The following HNF4A variants were observed in gnomAD, a reference collection of about 807,000 sequenced individuals.
HNF4A encodes the protein hepatocyte nuclear factor 4 alpha.
In HNF4A, 15 loss-of-function variants were observed where a neutral mutation model predicts 52.4. That is an observed-to-expected ratio of 0.29 (90% CI 0.19 to 0.44). The LOEUF is 0.44. Ranked by LOEUF, HNF4A falls within the 20% of genes least tolerant of loss-of-function variation. The pLI, the probability that HNF4A is intolerant of heterozygous loss-of-function variation, is 1.00. For synonymous variants in HNF4A, 280 were observed against 264.4 expected (o/e 1.06, Z -0.57); for missense variants, 479 against 647.2 (o/e 0.74, Z 2.82).
At chr20:44,374,276 C>T (rs559947292) in intron 1 of HNF4A, among the ~76,000 whole-genome samples, 1 of 152,286 alleles carries the variant, frequency 6.6e-6, no homozygotes, top group South Asian at 2.1e-4. Flanking sequence ...ATGAGGTCCT[C>T]CAGCTCCATT....
At chr20:44,402,159 G>A (rs577266679) in intron 1 of HNF4A, among the ~76,000 whole-genome samples, 10 of 152,106 alleles carry the variant, frequency 6.6e-5, no homozygotes, top group Non-Finnish European at 1.2e-4. Flanking sequence ...GTGAGTTCTG[G>A]GTCTATTTTC....
Position 44,414,513 on chromosome 20 carries a change from T to C in HNF4A, c.499T>C (p.Ser167Pro). The change falls in exon 5 of 10, where the codon TCC becomes CCC. Residue 167 changes from serine to proline, a missense_variant. Physicochemically the swap from Ser to Pro is moderately conservative, Grantham distance 74. Coordinates refer to ENST00000316099, the MANE Select transcript of HNF4A (RefSeq NM_000457.6). Reference sequence around the variant, plus strand: ...TTCCCTGTATCTCTCGAAGATCACCTCCCCCGTCTCCGGGATCAACGGCGA... The same window carrying C: ...TTCCCTGTATCTCTCGAAGATCACCCCCCCCGTCTCCGGGATCAACGGCGA... 3.1e-6 allele frequency: 5 copies of C among 1,614,142 alleles called. No homozygotes were observed. The highest frequency in any genetic ancestry group is 4.2e-6 in the Non-Finnish European group (5 of 1,180,012).
intron 2 of HNF4A, among the ~76,000 whole-genome samples, 187 bp from the exon 3 acceptor site, chr20:44,407,194 G>T (rs553155631): frequency 6.6e-6 from 1 of 152,272 alleles, no homozygotes; most frequent in South Asian, 2.1e-4. Context: ...TGTTTAGCAG[G>T]ACAGGACTGG....
intron 1 of HNF4A, among the ~76,000 whole-genome samples, chr20:44,370,316 A>C (rs1039687951): frequency 3.3e-5 from 5 of 152,244 alleles, no homozygotes; most frequent in East Asian, 1.9e-4. Context: ...CGTGAGCCAC[A>C]ACGCCCAGCC....
intron 7 of HNF4A, among the ~76,000 whole-genome samples, chr20:44,423,224 G>C (rs1168768597): frequency 6.6e-6 from 1 of 152,142 alleles, no homozygotes; most frequent in East Asian, 1.9e-4. Flanking sequence ...GCTGAGGCAG[G>C]AGAATCGCTT....
rs562455396 is a variant in HNF4A, at chr20:44,432,436, G to A, written c.*2771G>A. The A allele has an allele frequency of 5.4e-5, 7 of 130,556 alleles. No homozygotes were observed. The highest frequency in any genetic ancestry group is 4.8e-4 in the Admixed American group (5 of 10,316). The allele number at this position is 130,556 out of a possible 1,614,324, so 8.1% of individuals were successfully genotyped here. A position where few individuals can be genotyped will look rare whatever the true frequency, so the allele number is the denominator to read the frequency against. ...AAACAGAGGGTTGCTGGGGGGACAA[G>A]CGTGGGCACAATTTCCCCACCAAGA... On this transcript the variant is annotated 3_prime_UTR_variant, in exon 10 of 10. Transcript: ENST00000316099.
At chr20:44,405,278 A>T (rs1352336472) in intron 1 of HNF4A, among the ~76,000 whole-genome samples, 2 of 152,038 alleles carry the variant, frequency 1.3e-5, no homozygotes, top group African/African-American at 2.4e-5. Context: ...CAAATTTTTT[A>T]AATTTTTTAA....
At chr20:44,359,320 C>A (rs2062892718) in intron 1 of HNF4A, among the ~76,000 whole-genome samples, 1 of 152,224 alleles carries the variant, frequency 6.6e-6, no homozygotes, top group African/African-American at 2.4e-5. Flanking sequence ...GCTGTCCCAG[C>A]TTCAGCTGTC....
intron 1 of HNF4A, among the ~76,000 whole-genome samples, chr20:44,378,638 C>T (rs1218831658): frequency 6.6e-6 from 1 of 152,100 alleles, no homozygotes; most frequent in Non-Finnish European, 1.5e-5. Context: ...CAGCACCATC[C>T]ATCACCTGAA....
chr20:44,410,550 C>T (rs1006572624), intron 3 of HNF4A, among the ~76,000 whole-genome samples: 14 of 151,930 alleles, frequency 9.2e-5, no homozygotes, highest in African/African-American at 3.4e-4. Context: ...GTGGAAGTCT[C>T]ACTGGCCAGG....
At chr20:44,364,172 C>T (rs987210348) in intron 1 of HNF4A, among the ~76,000 whole-genome samples, 1 of 152,126 alleles carries the variant, frequency 6.6e-6, no homozygotes, top group Non-Finnish European at 1.5e-5. Flanking sequence ...ACCTCTGGCT[C>T]CATCAGAGAC....
upstream of HNF4A, among the ~76,000 whole-genome samples, chr20:44,397,765 G>T (rs1398855717): frequency 6.6e-6 from 1 of 152,022 alleles, no homozygotes; most frequent in African/African-American, 2.4e-5. Flanking sequence ...GACTGCAGGG[G>T]CATGCCACCA....
Position 44,408,739 on chromosome 20 carries a change from AG to A in HNF4A, c.385+1265del, listed in dbSNP as rs1886012502. ...GAGACTCTCTCAAAAAAAATAAAAAAGTAACGAGTTCATTTTCGAATCTCTT... is the reference window on the plus strand; with the variant it reads ...GAGACTCTCTCAAAAAAAATAAAAAATAACGAGTTCATTTTCGAATCTCTT... On this transcript the variant is annotated intron_variant, in intron 3 of 9. Coordinates refer to ENST00000316099, the MANE Select transcript of HNF4A (RefSeq NM_000457.6). Among the ~76,000 whole-genome samples, 4 of 152,128 alleles carry A rather than the reference AG, an allele frequency of 2.6e-5. No homozygotes were observed. In the South Asian group the frequency reaches 8.3e-4, roughly 32 times the overall value.
intron 1 of HNF4A, among the ~76,000 whole-genome samples, chr20:44,356,094 A>G (rs1431179875): frequency 6.6e-6 from 1 of 150,474 alleles, no homozygotes; most frequent in Non-Finnish European, 1.5e-5. Flanking sequence ...GGCTTGGCTC[A>G]TTTTGTCTGT....
intron 1 of HNF4A, chr20:44,384,749 G>C (rs2063198596): frequency 6.6e-6 from 1 of 152,180 alleles, no homozygotes; most frequent in Non-Finnish European, 1.5e-5. Flanking sequence ...CCGGAAAGGA[G>C]AGAAATAGAA....
intron 8 of HNF4A, 54 bp from the exon 9 acceptor site, chr20:44,428,281 G>A (rs1025426161): frequency 6.3e-7 from 1 of 1,599,240 alleles, no homozygotes; most frequent in Non-Finnish European, 8.6e-7. Context: ...GCGTCCCAAG[G>A]CCTGAGGTCT....
chr20:44,416,202 C>T (rs935178154), intron 5 of HNF4A, among the ~76,000 whole-genome samples: 7 of 152,192 alleles, frequency 4.6e-5, no homozygotes, highest in Non-Finnish European at 5.9e-5. Context: ...TTCCCAGCTC[C>T]CCATTCCTGG....
intron 1 of HNF4A, 132 bp from the exon 2 acceptor site, chr20:44,405,926 G>A (rs1413967908): frequency 3.0e-5 from 25 of 839,506 alleles, no homozygotes; most frequent in Non-Finnish European, 4.9e-5. Context: ...TCACTGAGTG[G>A]GGAGGTGATG....
At chr20:44,356,325 T>C (rs2062857780) in intron 1 of HNF4A, among the ~76,000 whole-genome samples, 1 of 151,688 alleles carries the variant, frequency 6.6e-6, no homozygotes, top group African/African-American at 2.4e-5. Flanking sequence ...GGGGAGGAGG[T>C]AGAAAGCGCC....
Sources: gnomAD v4.1 joint callset for allele counts (sites outside exome capture counted in the v4.1 genomes callset) on GRCh38, gnomAD v4.1.1 for gene constraint, MANE v1.5 for transcripts, NCBI Gene and HGNC (gene_info 2026-07-23, HGNC 2026-07-21) for gene names.